The following FOXN3 variants were observed in gnomAD, a reference collection of about 807,000 sequenced individuals.
FOXN3 encodes the protein forkhead box N3.
In FOXN3, 7 loss-of-function variants were observed where a neutral mutation model predicts 38.4. The observed-to-expected ratio is 0.18, with a 90% CI of 0.10 to 0.34. The LOEUF (loss-of-function observed/expected upper bound fraction) is 0.34. Among genes scored for constraint, FOXN3 ranks in the 10% least tolerant of loss-of-function variants. FOXN3 has a pLI of 1.00. For synonymous variants in FOXN3, 230 were observed against 242.2 expected (o/e 0.95, Z 0.47); for missense variants, 456 against 613.4 (o/e 0.74, Z 2.71).
rs182210989 is a variant in FOXN3 at position 89,294,038 on chromosome 14, C to G, written c.681-13024G>C. Among the ~76,000 whole-genome samples, 298 of 152,260 alleles carry G rather than the reference C, an allele frequency of 2.0e-3. 4 individuals carry two copies. In the Middle Eastern group the frequency reaches 0.034, roughly 17 times the overall value. On this transcript the variant is annotated intron_variant, in intron 3 of 5. Coordinates refer to ENST00000557258, the MANE Select transcript of FOXN3 (RefSeq NM_005197.4). Reference sequence around the variant, plus strand: ...TTCAAAATTCTGGAGGCTCTGACACCTTCCTCAGCTACGTCCCTGCCTCCA... The same window carrying G: ...TTCAAAATTCTGGAGGCTCTGACACGTTCCTCAGCTACGTCCCTGCCTCCA...
At chr14:89,202,340 C>G (rs1888257041) in intron 4 of FOXN3, among the ~76,000 whole-genome samples, 1 of 152,226 alleles carries the variant, frequency 6.6e-6, no homozygotes, top group South Asian at 2.1e-4. Flanking sequence ...TGTGTTCTTT[C>G]TGGGTAGACT....
Position 89,221,341 on chromosome 14 carries a change from C to A in FOXN3, c.746-40535G>T, listed in dbSNP as rs181684618. On this transcript the variant is annotated intron_variant, in intron 4 of 5. Transcript: ENST00000557258. ...CCACAGAGCACTATATCATGTATCA[C>A]CACGGCAGAAAAGGAAATGCCATAC... is the stretch of plus-strand genomic sequence containing the variant. Among the ~76,000 whole-genome samples the A allele has an allele frequency of 1.4e-3, 210 of 152,300 alleles. 2 individuals carry two copies. Among genetic ancestry groups the A allele is most frequent in the African/African-American group, 4.8e-3 (201 of 41,564 alleles).
At chr14:89,353,172 TG>T (rs1371767523) in intron 2 of FOXN3, among the ~76,000 whole-genome samples, 1 of 152,146 alleles carries the variant, frequency 6.6e-6, no homozygotes, top group Non-Finnish European at 1.5e-5. Context: ...CACAGCGCCA[TG>T]GGAAGTCTTG....
intron 3 of FOXN3, among the ~76,000 whole-genome samples, chr14:89,331,782 G>A (rs1228054714): frequency 6.6e-6 from 1 of 152,136 alleles, no homozygotes; most frequent in Non-Finnish European, 1.5e-5. Context: ...TCTGTGCAAT[G>A]CACTCTGGTA....
chr14:89,427,200 G>T (rs1892052168), intron 1 of FOXN3, among the ~76,000 whole-genome samples: 1 of 143,512 alleles, frequency 7.0e-6, no homozygotes, highest in Non-Finnish European at 1.5e-5. Flanking sequence ...CTGCACTCCA[G>T]CCTGGTCGAC....
intron 4 of FOXN3, among the ~76,000 whole-genome samples, chr14:89,191,631 A>C (rs1887945286): frequency 6.6e-6 from 1 of 152,090 alleles, no homozygotes; most frequent in Non-Finnish European, 1.5e-5. Context: ...AATGTTTAAA[A>C]AAGTACATTT....
intron 4 of FOXN3, among the ~76,000 whole-genome samples, chr14:89,207,990 G>C (rs1888429252): frequency 6.6e-6 from 1 of 152,154 alleles, no homozygotes; most frequent in South Asian, 2.1e-4. Context: ...GTGCATGCCT[G>C]GTTGGGGTTG....
chr14:89,298,399 C>A (rs924067947), intron 3 of FOXN3, among the ~76,000 whole-genome samples: 1 of 146,224 alleles, frequency 6.8e-6, no homozygotes, highest in Non-Finnish European at 1.5e-5. Flanking sequence ...TGCCACTGAA[C>A]TGTAAACTTT....
intron 2 of FOXN3, among the ~76,000 whole-genome samples, chr14:89,410,177 A>G (rs1393095241): frequency 1.3e-5 from 2 of 150,672 alleles, no homozygotes; most frequent in East Asian, 2.0e-4. Flanking sequence ...AGCAAGGAGC[A>G]ATACGGTTGG....
chr14:89,280,836 A>G (rs1886436283), intron 4 of FOXN3, 114 bp downstream of exon 4: 1 of 780,092 alleles, frequency 1.3e-6, no homozygotes, highest in Non-Finnish European at 2.1e-6. Flanking sequence ...TTCTCCAGAA[A>G]GCGGCCACTC....
intron 1 of FOXN3, among the ~76,000 whole-genome samples, chr14:89,514,888 T>G (rs1596304573): frequency 6.6e-6 from 1 of 151,814 alleles, no homozygotes; most frequent in South Asian, 2.1e-4. Flanking sequence ...AGCATCGAGA[T>G]GGCTAAAACA....
intron 4 of FOXN3, among the ~76,000 whole-genome samples, chr14:89,271,344 T>C (rs570245262): frequency 6.6e-6 from 1 of 152,342 alleles, no homozygotes; most frequent in Admixed American, 6.5e-5. Flanking sequence ...CTTTTTCAAT[T>C]GTATTTTAAG....
At position 89,333,995 on chromosome 14, in the gene FOXN3, T is replaced by C. The variant is rs868435453; in HGVS notation, c.680+16677A>G. Among the ~76,000 whole-genome samples, 16 of 64,346 alleles carry C rather than the reference T, an allele frequency of 2.5e-4. No homozygotes were observed. The South Asian group carries it at 0.011, about 44-fold the overall frequency. 42.2% of individuals were successfully genotyped at this position (64,346 alleles called of 152,430 possible). On this transcript the variant is annotated intron_variant, in intron 3 of 5. Transcript: ENST00000557258. ...ATATATATATATATATATATATATA[T>C]ATATATATATATATGTATATAAATG...
chr14:89,311,641 C>CA (rs202227099), intron 3 of FOXN3, among the ~76,000 whole-genome samples: 3,038 of 150,658 alleles, frequency 0.02, 97 homozygotes, highest in African/African-American at 0.068. Context: ...CCTGGCTAAC[C>CA]GGATGAAACC....
intron 1 of FOXN3, among the ~76,000 whole-genome samples, chr14:89,495,573 C>G (rs185455018): frequency 6.6e-6 from 1 of 152,238 alleles, no homozygotes; most frequent in Non-Finnish European, 1.5e-5. Flanking sequence ...AAGGATTACC[C>G]TTTAACTAAT....
intron 3 of FOXN3, among the ~76,000 whole-genome samples, chr14:89,303,508 A>C (rs200586790): frequency 2.4e-4 from 27 of 114,786 alleles, no homozygotes; most frequent in Admixed American, 3.5e-4. Context: ...AAAAAAAAAA[A>C]CAAAAAAAAA....
intron 1 of FOXN3, among the ~76,000 whole-genome samples, chr14:89,413,669 AT>A (rs1891605340): frequency 5.1e-5 from 2 of 39,202 alleles, no homozygotes; most frequent in African/African-American, 1.0e-4. Context: ...AGGGAAGGGA[AT>A]GGAAGAGAAG....
chr14:89,331,765 A>G (rs551956945), intron 3 of FOXN3, among the ~76,000 whole-genome samples: 4 of 152,382 alleles, frequency 2.6e-5, no homozygotes, highest in African/African-American at 7.2e-5. Context: ...ACAAAATAAT[A>G]GCCTCCTCTG....
At chr14:89,182,697 C>T (rs1256603895) in intron 4 of FOXN3, among the ~76,000 whole-genome samples, 2 of 152,304 alleles carry the variant, frequency 1.3e-5, no homozygotes, top group Admixed American at 1.3e-4. Context: ...GTTTATATTA[C>T]CTAATTTATC....
Sources: allele counts gnomAD v4.1 joint callset (sites outside exome capture counted in the v4.1 genomes callset), GRCh38; gene constraint gnomAD v4.1.1; transcripts MANE v1.5; gene names NCBI Gene and HGNC (gene_info 2026-07-23, HGNC 2026-07-21).